WNK2: variants seen among roughly 807,000 people sequenced by gnomAD.
The protein encoded by WNK2 is serine/threonine-protein kinase WNK2.
A neutral mutation model predicts 192.1 loss-of-function variants in WNK2; 67 were observed. That is an observed-to-expected ratio of 0.35 (90% confidence interval 0.29 to 0.43). WNK2 has a LOEUF of 0.43. Among genes scored for constraint, WNK2 ranks in the 20% least tolerant of loss-of-function variants. The probability of loss-of-function intolerance (pLI) is 1.00; values close to 1 mark genes in which losing one functional copy is unlikely to be tolerated. For missense variants in WNK2, 2,698 were observed against 3,089.7 expected (o/e 0.87, Z 3.01); for synonymous variants, 1,439 against 1,393.9 (o/e 1.03, Z -0.72).
At chr9:93,238,447 G>A (rs1237339126) in intron 6 of WNK2, 126 bp downstream of exon 6, 8 of 887,224 alleles carry the variant, frequency 9.0e-6, no homozygotes, top group Admixed American at 2.1e-5. Context: ...GGGTGTCTGG[G>A]GCACGTTAGC....
intron 26 of WNK2, among the ~76,000 whole-genome samples, chr9:93,305,893 T>C (rs1852431131): frequency 6.6e-6 from 1 of 152,228 alleles, no homozygotes; most frequent in African/African-American, 2.4e-5. Flanking sequence ...CCGAGTGACC[T>C]TGGGGAAGTC....
At chr9:93,312,794 G>A (rs1220849661) in intron 28 of WNK2, among the ~76,000 whole-genome samples, 1 of 152,150 alleles carries the variant, frequency 6.6e-6, no homozygotes, top group Non-Finnish European at 1.5e-5. Flanking sequence ...TGCAGCATAA[G>A]AGTTAGCCTT....
intron 2 of WNK2, 37 bp downstream of exon 2, chr9:93,185,647 G>T (rs1179250953): frequency 1.3e-6 from 2 of 1,585,640 alleles, no homozygotes; most frequent in Non-Finnish European, 8.6e-7. Context: ...CTTTCCGCAG[G>T]GTCTGTCCGC....
intron 2 of WNK2, among the ~76,000 whole-genome samples, chr9:93,225,003 A>G (rs1837563583): frequency 6.6e-6 from 1 of 152,208 alleles, no homozygotes; most frequent in Non-Finnish European, 1.5e-5. Context: ...ACCCGATGTC[A>G]GCAAACAGGT....
chr9:93,278,977 C>T (rs1847338890), intron 19 of WNK2, among the ~76,000 whole-genome samples: 1 of 152,172 alleles, frequency 6.6e-6, no homozygotes, highest in African/African-American at 2.4e-5. Flanking sequence ...AAGGAACTTC[C>T]TCACCCTGAT....
In WNK2 at chr9:93,268,015, T is replaced by A. The variant is rs1845446240; in HGVS notation, c.3868-5T>A. 1.2e-6 allele frequency: 2 copies of A among 1,611,508 alleles called. No homozygotes were observed. The highest frequency in any genetic ancestry group is 2.2e-5 in the East Asian group (1 of 44,770). On this transcript the variant is annotated splice_polypyrimidine_tract_variant and splice_region_variant and intron_variant, in intron 17 of 29. Transcript: ENST00000427277. ...GGCTCATTTCTGACCCTCCACCTCA[T>A]TCAGGAGAGCCGACAATCCCAAGCC...
chr9:93,212,455 C>G (rs1385535659), intron 2 of WNK2, among the ~76,000 whole-genome samples: 1 of 152,226 alleles, frequency 6.6e-6, no homozygotes, highest in East Asian at 1.9e-4. Flanking sequence ...TGCTCAGAGG[C>G]TCTTATCTTG....
intron 2 of WNK2, among the ~76,000 whole-genome samples, chr9:93,189,329 G>A (rs945163100): frequency 9.9e-5 from 15 of 152,146 alleles, no homozygotes; most frequent in African/African-American, 3.4e-4. Context: ...CCCAGCATGG[G>A]GTCTTTCTAC....
chr9:93,278,673 A>C (rs903477165), intron 19 of WNK2, among the ~76,000 whole-genome samples: 2 of 152,206 alleles, frequency 1.3e-5, no homozygotes, highest in Non-Finnish European at 2.9e-5. Flanking sequence ...CAATATGTTA[A>C]ATTTTACATT....
At chr9:93,220,480 G>T (rs1231567331) in intron 2 of WNK2, among the ~76,000 whole-genome samples, 1 of 152,166 alleles carries the variant, frequency 6.6e-6, no homozygotes, top group Non-Finnish European at 1.5e-5. Context: ...TTCCTGTTTT[G>T]TGAAGGGGGA....
intron 13 of WNK2, 55 bp downstream of exon 13, chr9:93,262,162 G>A: frequency 6.6e-7 from 1 of 1,516,192 alleles, no homozygotes; most frequent in Admixed American, 2.0e-5. Context: ...GGCCACCGGG[G>A]ATCTGCATAG....
intron 23 of WNK2, among the ~76,000 whole-genome samples, chr9:93,295,449 TA>T (rs576510048): frequency 6.7e-6 from 1 of 150,118 alleles, no homozygotes; most frequent in African/African-American, 2.4e-5. Context: ...AGGAAGTCAT[TA>T]AAAAAAAACA....
intron 8 of WNK2, among the ~76,000 whole-genome samples, chr9:93,251,931 A>C (rs764304664): frequency 6.6e-6 from 1 of 152,222 alleles, no homozygotes; most frequent in Non-Finnish European, 1.5e-5. Context: ...CAGTAGGTTC[A>C]GTCCATTCCT....
At chr9:93,318,351 C>A in intron 29 of WNK2, 1 of 1,594,530 alleles carries the variant, frequency 6.3e-7, no homozygotes. Context: ...GCTTCCATTG[C>A]TAGGTGAGCC....
chr9:93,306,262 C>G (rs1190548127), intron 26 of WNK2, among the ~76,000 whole-genome samples: 1 of 152,186 alleles, frequency 6.6e-6, no homozygotes, highest in Admixed American at 6.5e-5. Context: ...AGGCAGCCAT[C>G]TGAGATCCAG....
chr9:93,284,861 A>G (rs1848224848), intron 19 of WNK2, among the ~76,000 whole-genome samples: 1 of 152,238 alleles, frequency 6.6e-6, no homozygotes, highest in Non-Finnish European at 1.5e-5. Context: ...TTTCTAAACA[A>G]GGTCTTCCAA....
chr9:93,254,606 A>G (rs1011076912), intron 9 of WNK2, among the ~76,000 whole-genome samples: 2 of 152,242 alleles, frequency 1.3e-5, no homozygotes, highest in Non-Finnish European at 2.9e-5. Flanking sequence ...TGCAATTTGC[A>G]TTTGCAGTTT....
chr9:93,194,835 A>C (rs1830943970), intron 2 of WNK2, among the ~76,000 whole-genome samples: 1 of 152,260 alleles, frequency 6.6e-6, no homozygotes, highest in African/African-American at 2.4e-5. Context: ...ATGGATAAAC[A>C]AACTGTGGCA....
intron 29 of WNK2, chr9:93,319,468 C>G: frequency 1.0e-6 from 1 of 954,824 alleles, no homozygotes; most frequent in Non-Finnish European, 1.2e-6. Context: ...GTCAGCTCTG[C>G]TGGTCGGGTT....
Sources: gnomAD v4.1 joint callset for allele counts (sites outside exome capture counted in the v4.1 genomes callset) on GRCh38, gnomAD v4.1.1 for gene constraint, MANE v1.5 for transcripts, NCBI Gene and HGNC (gene_info 2026-07-23, HGNC 2026-07-21) for gene names.